Variants in FSCN1 observed in about 807,000 individuals in gnomAD.
The protein encoded by FSCN1 is fascin.
FSCN1 carries 10 observed loss-of-function variants against 39.7 expected under a neutral mutation model. The ratio of observed to expected loss-of-function variants is 0.25; its 90% CI spans 0.16 to 0.43. FSCN1 has a LOEUF of 0.43. Ranked by LOEUF, FSCN1 falls within the 20% of genes least tolerant of loss-of-function variation. The pLI, the probability that FSCN1 is intolerant of heterozygous loss-of-function variation, is 1.00. For missense variants in FSCN1, 525 were observed against 723.8 expected (o/e 0.73, Z 3.15); for synonymous variants, 322 against 320.0 (o/e 1.01, Z -0.07).
In FSCN1 at chr7:5,603,636, T is replaced by C. The variant is rs202010035; in HGVS notation, c.1111+19T>C. 1.2e-5 allele frequency: 20 copies of C among 1,613,834 alleles called. No homozygotes were observed. The highest frequency in any genetic ancestry group is 1.7e-5 in the Non-Finnish European group (20 of 1,179,942). ...ACAGCAGGTAACACTAAAGCCCCAG[T>C]TCCCTGGAGCCGTCCTGGAGTCCTG... is the stretch of plus-strand genomic sequence containing the variant. On this transcript the variant is annotated intron_variant, in intron 3 of 4. Coordinates refer to ENST00000382361, the MANE Select transcript of FSCN1 (RefSeq NM_003088.4). This position sits in a 1 kb window ranked among gnomAD's most constrained non-coding sequence, Gnocchi z 8.5.
At chr7:5,595,678 A>C (rs1404789245) in intron 1 of FSCN1, among the ~76,000 whole-genome samples, 1 of 152,158 alleles carries the variant, frequency 6.6e-6, no homozygotes, top group African/African-American at 2.4e-5. Context: ...TATGGCAGGA[A>C]GGTACAGAGA....
At chr7:5,595,190 G>T (rs756298226) in intron 1 of FSCN1, among the ~76,000 whole-genome samples, 42 of 152,364 alleles carry the variant, frequency 2.8e-4, no homozygotes, top group Non-Finnish European at 5.3e-4. Flanking sequence ...GGCTCTGCAG[G>T]AGGGGGAAAG....
At position 5,601,197 on chromosome 7, in the gene FSCN1, CTTTTTT is replaced by C. The variant is rs534109521; in HGVS notation, c.833-2042_833-2037del. ...TCTGTGCATGTTTCTTTCTTTCTTC[CTTTTTT>C]TTTTTTTTTTTTTTTTTGAGATGGA... On this transcript the variant is annotated intron_variant, in intron 1 of 4. Transcript: ENST00000382361. Among the ~76,000 whole-genome samples the C allele has an allele frequency of 9.5e-5, 11 of 115,552 alleles. No individual in the cohort carries two copies. In the South Asian group the frequency reaches 1.6e-3, roughly 17 times the overall value. The allele number at this position is 115,552 out of a possible 152,430, so 75.8% of individuals were successfully genotyped here.
intron 1 of FSCN1, chr7:5,602,767 G>C (rs1175448154): frequency 5.8e-6 from 1 of 171,550 alleles, no homozygotes; most frequent in Admixed American, 5.6e-5. Flanking sequence ...GTGCAATCAC[G>C]GCTCACTGCA....
At position 5,603,451 on chromosome 7, in the gene FSCN1, C is replaced by T. The variant is rs1215223573; in HGVS notation, c.989+38C>T. On this transcript the variant is annotated intron_variant, in intron 2 of 4. Coordinates refer to ENST00000382361, the MANE Select transcript of FSCN1 (RefSeq NM_003088.4). This position sits in a 1 kb window ranked among gnomAD's most constrained non-coding sequence, Gnocchi z 8.5. ...CTCCCACCTGTCACCGCCCCCACCA[C>T]CTTGCCTGGGCTACCCCGCCTGACC... The T allele has an allele frequency of 5.6e-6, 9 of 1,613,862 alleles. No homozygotes were observed. Among genetic ancestry groups the T allele is most frequent in the Non-Finnish European group, 7.6e-6 (9 of 1,180,010 alleles).
rs537660305 is a variant in FSCN1 at position 5,605,479 on chromosome 7, G to A, written c.*5G>A. On this transcript the variant is annotated 3_prime_UTR_variant, in exon 5 of 5. Coordinates refer to ENST00000382361, the MANE Select transcript of FSCN1 (RefSeq NM_003088.4). This position sits in a 1 kb window ranked among gnomAD's most constrained non-coding sequence, Gnocchi z 6.9. ...GCCTCGCTCTGGGAGTACTAGGGCC[G>A]GCCCGTCCTTCCCCGCCCCTGCCCA... The A allele has an allele frequency of 5.8e-6, 9 of 1,548,014 alleles. No homozygotes were observed. Among genetic ancestry groups the A allele is most frequent in the African/African-American group, 5.5e-5 (4 of 73,394 alleles).
rs564777200 is a variant in FSCN1, at chr7:5,605,546, G to C, written c.*72G>C. 1,462 of 1,160,778 alleles carry C rather than the reference G, an allele frequency of 1.3e-3. 2 individuals carry two copies. The highest frequency in any genetic ancestry group is 1.4e-3 in the Non-Finnish European group (1,202 of 829,828). 71.9% of individuals were successfully genotyped at this position (1,160,778 alleles called of 1,614,324 possible). A position where few individuals can be genotyped will look rare whatever the true frequency, so the allele number is the denominator to read the frequency against. Reference sequence around the variant, plus strand: ...AACCCTCCCTGCTAACCCCTTCTCCGCCAGGTGGGCTCCAGGGCGGGAGGC... The same window carrying C: ...AACCCTCCCTGCTAACCCCTTCTCCCCCAGGTGGGCTCCAGGGCGGGAGGC... On this transcript the variant is annotated 3_prime_UTR_variant, in exon 5 of 5. Transcript: ENST00000382361. This position sits in a 1 kb window ranked among gnomAD's most constrained non-coding sequence, Gnocchi z 6.9.
In FSCN1 at chr7:5,596,807, G is replaced by C. The variant is rs151178104; in HGVS notation, c.832+3039G>C. 3.6e-3 allele frequency among the ~76,000 whole-genome samples: 550 copies of C among 152,316 alleles called. 5 individuals carry two copies. Among genetic ancestry groups the C allele is most frequent in the African/African-American group, 0.013 (533 of 41,576 alleles). ...GAGGCGCAGGGCATTCTGAGCCCAGGGAATGGCTTGTATAAGGATGCAGAG... is the reference window on the plus strand; with the variant it reads ...GAGGCGCAGGGCATTCTGAGCCCAGCGAATGGCTTGTATAAGGATGCAGAG... On this transcript the variant is annotated intron_variant, in intron 1 of 4. Transcript: ENST00000382361.
At chr7:5,596,822 A>G (rs1453551121) in intron 1 of FSCN1, among the ~76,000 whole-genome samples, 1 of 152,202 alleles carries the variant, frequency 6.6e-6, no homozygotes, top group Non-Finnish European at 1.5e-5. Context: ...GGCTTGTATA[A>G]GGATGCAGAG....
intron 1 of FSCN1, among the ~76,000 whole-genome samples, chr7:5,595,839 G>T (rs1293209919): frequency 6.6e-6 from 1 of 152,200 alleles, no homozygotes; most frequent in Non-Finnish European, 1.5e-5. Flanking sequence ...TTGGCCCTGG[G>T]GGCCAGGAAG....
At chr7:5,596,987 G>A (rs852485) in intron 1 of FSCN1, among the ~76,000 whole-genome samples, 7,634 of 152,248 alleles carry the variant, frequency 0.05, 302 homozygotes, top group African/African-American at 0.11. Context: ...AAGGCCTGGG[G>A]GTGGTGATGG....
chr7:5,592,884 G>C lies in FSCN1; in HGVS notation c.-53G>C. The C allele has an allele frequency of 8.6e-7, 1 of 1,165,526 alleles. No individual in the cohort carries two copies. Among genetic ancestry groups the C allele is most frequent in the East Asian group, 2.7e-5 (1 of 37,232 alleles). 72.2% of individuals were successfully genotyped at this position (1,165,526 alleles called of 1,614,324 possible). A position where few individuals can be genotyped will look rare whatever the true frequency, so the allele number is the denominator to read the frequency against. On this transcript the variant is annotated 5_prime_UTR_variant, in exon 1 of 5. Transcript: ENST00000382361. This position sits in a 1 kb window ranked among gnomAD's most constrained non-coding sequence, Gnocchi z 5.3. ...AAAGGAGCAGGGGCGCCGCCGCAGG[G>C]ACCCGCCACCCACCTCCCGGGGCCG...
At position 5,600,480 on chromosome 7, in the gene FSCN1, C is replaced by A. The variant is rs558601355; in HGVS notation, c.833-2777C>A. ...AAACCCGAAAGCCACCTTAAGTTTC[C>A]CGAAGATAGAGATCCCTGGGGTCCT... is the stretch of plus-strand genomic sequence containing the variant. On this transcript the variant is annotated intron_variant, in intron 1 of 4. Coordinates refer to ENST00000382361, the MANE Select transcript of FSCN1 (RefSeq NM_003088.4). Among the ~76,000 whole-genome samples the A allele has an allele frequency of 3.3e-5, 5 of 152,220 alleles. No individual in the cohort carries two copies. In the East Asian group the frequency reaches 9.7e-4, roughly 29 times the overall value.
At chr7:5,602,679 T>C (rs1040973450) in intron 1 of FSCN1, among the ~76,000 whole-genome samples, 15 of 151,018 alleles carry the variant, frequency 9.9e-5, no homozygotes, top group African/African-American at 3.5e-4. Flanking sequence ...AGAATGTCTT[T>C]TGTGCAGTTG....
At chr7:5,596,626 G>A (rs754085557) in intron 1 of FSCN1, among the ~76,000 whole-genome samples, 2 of 152,114 alleles carry the variant, frequency 1.3e-5, no homozygotes, top group African/African-American at 4.8e-5. Context: ...GTCCTCTCCC[G>A]CCAGCCTGTG....
intron 1 of FSCN1, among the ~76,000 whole-genome samples, chr7:5,601,977 G>A (rs1020089886): frequency 9.4e-5 from 14 of 149,712 alleles, no homozygotes; most frequent in African/African-American, 3.2e-4. Context: ...TTTTTGAGGC[G>A]GAATTTCATT....
intron 1 of FSCN1, among the ~76,000 whole-genome samples, chr7:5,602,542 C>T (rs1257095528): frequency 1.3e-5 from 2 of 151,968 alleles, no homozygotes; most frequent in African/African-American, 4.8e-5. Context: ...GCATTTCATC[C>T]CAAAATACTT....
chr7:5,604,048 C>T lies in FSCN1; in HGVS notation c.1279+18C>T, dbSNP rs1352978835. On this transcript the variant is annotated intron_variant, in intron 4 of 4. Coordinates refer to ENST00000382361, the MANE Select transcript of FSCN1 (RefSeq NM_003088.4). ...CATCAAAGGCAGGTTCTCCTGTGGGCAGCTGCTGGGCAGGGAACCCCTCGG... is the reference window on the plus strand; with the variant it reads ...CATCAAAGGCAGGTTCTCCTGTGGGTAGCTGCTGGGCAGGGAACCCCTCGG... The T allele has an allele frequency of 7.5e-6, 12 of 1,610,176 alleles. No individual in the cohort carries two copies. Among genetic ancestry groups the T allele is most frequent in the Middle Eastern group, 1.7e-4 (1 of 6,034 alleles).
At chr7:5,604,080 C>G (rs1403026412) in intron 4 of FSCN1, 50 bp downstream of exon 4, 1 of 1,571,836 alleles carries the variant, frequency 6.4e-7, no homozygotes, top group African/African-American at 1.3e-5. Context: ...TCGGTCGGGG[C>G]TGGGGTCAGT....
Sources: allele counts gnomAD v4.1 joint callset (sites outside exome capture counted in the v4.1 genomes callset), GRCh38; gene constraint gnomAD v4.1.1; non-coding constraint Gnocchi (gnomAD v3.1); transcripts MANE v1.5; gene names NCBI Gene and HGNC (gene_info 2026-07-23, HGNC 2026-07-21).